TENM3: variants seen among roughly 807,000 people sequenced by gnomAD.
TENM3 encodes teneurin transmembrane protein 3.
A neutral mutation model predicts 255.1 loss-of-function variants in TENM3; 63 were observed. The observed-to-expected ratio is 0.25, with a 90% CI of 0.20 to 0.30. The LOEUF (loss-of-function observed/expected upper bound fraction) is 0.30, where lower values mean the gene tolerates loss of function less well. Among genes scored for constraint, TENM3 ranks in the 10% least tolerant of loss-of-function variants. The pLI is 1.00. For missense variants in TENM3, 2,929 were observed against 3,461.1 expected, an observed-to-expected ratio of 0.85 and a Z score of 3.86; for synonymous variants, 1,306 against 1,322.3, an observed-to-expected ratio of 0.99 and a Z score of 0.27.
intron 3 of TENM3, among the ~76,000 whole-genome samples, chr4:182,457,078 G>C (rs964137572): frequency 6.6e-6 from 1 of 151,748 alleles, no homozygotes; most frequent in South Asian, 2.1e-4. Flanking sequence ...CCAGCTACTC[G>C]GAAGGCTGAG....
the TENM3 span, among the ~76,000 whole-genome samples, chr4:181,501,064 A>G: frequency 6.6e-6 from 1 of 152,092 alleles, no homozygotes; most frequent in Non-Finnish European, 1.5e-5. Flanking sequence ...CGCCCACCTC[A>G]TAGAGTCACC....
the TENM3 span, among the ~76,000 whole-genome samples, chr4:181,838,366 C>T: frequency 1.3e-5 from 2 of 152,146 alleles, no homozygotes; most frequent in East Asian, 3.9e-4. Context: ...CTAGAATTTG[C>T]TCACTTCAAA....
At chr4:182,091,927 C>T in the TENM3 span, among the ~76,000 whole-genome samples, 116 of 152,234 alleles carry the variant, frequency 7.6e-4, 2 homozygotes, top group Non-Finnish European at 1.0e-4. Context: ...GGCCCAGACT[C>T]GATTTTGTTC....
At chr4:182,628,953 G>T (rs947948640) in intron 5 of TENM3, 64 bp downstream of exon 5, 1 of 962,110 alleles carries the variant, frequency 1.0e-6, no homozygotes, top group East Asian at 2.6e-5. Context: ...TTTATTACTT[G>T]TATTTATTCA....
At chr4:181,788,567 C>T in the TENM3 span, among the ~76,000 whole-genome samples, 38 of 152,256 alleles carry the variant, frequency 2.5e-4, no homozygotes, top group African/African-American at 8.4e-4. Context: ...TTTCTAGGTA[C>T]AGTGCGGAAA....
chr4:181,507,443 G>A, the TENM3 span, among the ~76,000 whole-genome samples: 1 of 152,182 alleles, frequency 6.6e-6, no homozygotes, highest in Admixed American at 6.5e-5. Flanking sequence ...TTTACGAAAC[G>A]ATTCCTAAAC....
chr4:182,434,379 C>T (rs72699999), intron 3 of TENM3, among the ~76,000 whole-genome samples: 11,491 of 152,130 alleles, frequency 0.076, 671 homozygotes, highest in East Asian at 0.22. Context: ...AATAGTATAG[C>T]TGGCTGGGTG....
At chr4:181,971,880 A>C in the TENM3 span, among the ~76,000 whole-genome samples, 5 of 152,112 alleles carry the variant, frequency 3.3e-5, no homozygotes, top group Non-Finnish European at 5.9e-5. Context: ...AGGGATGGGA[A>C]AGTTGACATA....
the TENM3 span, among the ~76,000 whole-genome samples, chr4:182,054,406 A>G: frequency 6.6e-6 from 1 of 152,228 alleles, no homozygotes; most frequent in Non-Finnish European, 1.5e-5. Flanking sequence ...ACGTGAAACA[A>G]ATAACTTGAT....
chr4:182,091,640 T>C, the TENM3 span, among the ~76,000 whole-genome samples: 1 of 152,212 alleles, frequency 6.6e-6, no homozygotes, highest in Non-Finnish European at 1.5e-5. Flanking sequence ...TAGCTGGTGC[T>C]GAGAATGTCA....
In TENM3 at chr4:182,773,581, C is replaced by T. The variant is rs1426216066; in HGVS notation, c.5002C>T (p.Arg1668Ter). ...AITVDIESSSREEDVSITSNL... is the reference protein window; with the variant it reads ...AITVDIESSS Reference sequence around the variant, plus strand: ...CACAGTGGACATTGAGTCATCTAGCCGAGAAGAAGATGTCAGCATCACTTC... The same window carrying T: ...CACAGTGGACATTGAGTCATCTAGCTGAGAAGAAGATGTCAGCATCACTTC... Residue 1668 changes from arginine (R) to a stop codon, truncating the protein, a stop_gained, in exon 23 of 28, where the codon CGA becomes TGA. Transcript: ENST00000511685. LOFTEE classifies it high-confidence loss of function. 1 of 1,613,620 alleles carries T rather than the reference C, an allele frequency of 6.2e-7. No homozygotes were observed. Among genetic ancestry groups the T allele is most frequent in the African/African-American group, 1.3e-5 (1 of 74,880 alleles).
the TENM3 span, among the ~76,000 whole-genome samples, chr4:181,794,121 T>C: frequency 1.3e-5 from 2 of 152,184 alleles, no homozygotes; most frequent in African/African-American, 4.8e-5. Flanking sequence ...GTCACTGTTT[T>C]TATTTTTCCC....
the TENM3 span, among the ~76,000 whole-genome samples, chr4:181,939,369 G>A: frequency 6.6e-6 from 1 of 152,152 alleles, no homozygotes; most frequent in African/African-American, 2.4e-5. Context: ...AAAGGTGGTA[G>A]GATTCCTAGG....
chr4:182,181,421 G>T (rs1752833019), intron 1 of TENM3, among the ~76,000 whole-genome samples: 1 of 152,202 alleles, frequency 6.6e-6, no homozygotes, highest in Admixed American at 6.5e-5. Context: ...ATCTGCGGGA[G>T]CCGCGGAGCT....
intron 1 of TENM3, among the ~76,000 whole-genome samples, chr4:182,228,586 C>T (rs1414457813): frequency 1.3e-5 from 2 of 152,008 alleles, no homozygotes; most frequent in East Asian, 1.9e-4. Context: ...TCAGTCTTGT[C>T]ACTGCTAATT....
At chr4:181,791,444 A>G in the TENM3 span, among the ~76,000 whole-genome samples, 1 of 152,234 alleles carries the variant, frequency 6.6e-6, no homozygotes, top group South Asian at 2.1e-4. Flanking sequence ...ATGAAGATAA[A>G]GTTGAACATC....
chr4:181,996,640 T>C, the TENM3 span, among the ~76,000 whole-genome samples: 2 of 152,158 alleles, frequency 1.3e-5, no homozygotes, highest in Non-Finnish European at 2.9e-5. Context: ...GAGAATGCAC[T>C]GCAGGGACAC....
At chr4:182,528,223 C>G (rs1000451904) in intron 3 of TENM3, among the ~76,000 whole-genome samples, 1 of 152,034 alleles carries the variant, frequency 6.6e-6, no homozygotes, top group African/African-American at 2.4e-5. Flanking sequence ...GTTCAAGCAA[C>G]TCTCCTGCCT....
intron 1 of TENM3, among the ~76,000 whole-genome samples, chr4:182,268,446 T>C (rs1444294792): frequency 2.0e-5 from 3 of 152,048 alleles, no homozygotes; most frequent in Non-Finnish European, 2.9e-5. Flanking sequence ...AATGAAGGGT[T>C]CTCTTATAAA....
Sources: gnomAD v4.1 joint callset for allele counts (sites outside exome capture counted in the v4.1 genomes callset) on GRCh38, gnomAD v4.1.1 for gene constraint, MANE v1.5 for transcripts, NCBI Gene and HGNC (gene_info 2026-07-23, HGNC 2026-07-21) for gene names.